The following SSBP3 variants were observed in gnomAD, a reference collection of about 807,000 sequenced individuals.
The protein encoded by SSBP3 is single stranded DNA binding protein 3, also known as single-stranded DNA-binding protein 3.
Under a neutral mutation model 69.6 loss-of-function variants are expected in SSBP3, and 5 were observed. That is an observed-to-expected ratio of 0.07 (90% confidence interval 0.04 to 0.15). The LOEUF is 0.15. SSBP3 is among the 10% of genes least tolerant of loss of function. The pLI is 1.00. For missense variants in SSBP3, 312 were observed against 534.0 expected, an observed-to-expected ratio of 0.58 and a Z score of 4.10; for synonymous variants, 196 against 193.4, an observed-to-expected ratio of 1.01 and a Z score of -0.11.
rs564863983 is a variant in SSBP3, at chr1:54,266,029, A to C, written c.367-7880T>G. Among the ~76,000 whole-genome samples, 9 of 152,384 alleles carry C rather than the reference A, an allele frequency of 5.9e-5. No individual in the cohort carries two copies. The South Asian group carries it at 1.9e-3, about 32-fold the overall frequency. Reference sequence around the variant, plus strand: ...ATCAGCAAGTGATGGTTTCCCAAACAAAGGGAGGAAACATGGCAAACGAAA... The same window carrying C: ...ATCAGCAAGTGATGGTTTCCCAAACCAAGGGAGGAAACATGGCAAACGAAA... On this transcript the variant is annotated intron_variant, in intron 5 of 17. Transcript: ENST00000610401.
At chr1:54,388,944 C>A (rs1386639628) in intron 4 of SSBP3, among the ~76,000 whole-genome samples, 1 of 152,232 alleles carries the variant, frequency 6.6e-6, no homozygotes, top group Non-Finnish European at 1.5e-5. Flanking sequence ...AGTGAGAAGG[C>A]ACCACTGCTA....
At chr1:54,359,516 G>T (rs541818061) in intron 4 of SSBP3, among the ~76,000 whole-genome samples, 87 of 152,210 alleles carry the variant, frequency 5.7e-4, no homozygotes, top group African/African-American at 1.9e-3. Context: ...TCCTACAGAG[G>T]ACATGGAAAG....
At chr1:54,271,013 C>T (rs920491276) in intron 5 of SSBP3, among the ~76,000 whole-genome samples, 4 of 152,216 alleles carry the variant, frequency 2.6e-5, no homozygotes, top group African/African-American at 7.2e-5. Context: ...CTGACTGGCA[C>T]GCTGGGAGCT....
At chr1:54,232,074 G>C (rs1644389063) in intron 14 of SSBP3, among the ~76,000 whole-genome samples, 1 of 152,156 alleles carries the variant, frequency 6.6e-6, no homozygotes, top group Non-Finnish European at 1.5e-5. Flanking sequence ...ATATTCAGTT[G>C]TCTCAGCATC....
rs574188323 is a variant in SSBP3 at position 54,311,105 on chromosome 1, G to A, written c.277-29578C>T. ...CTTCTTTAGCCTGCTGACCAGAGCC[G>A]ATTCTTTGATGGGAAAACAAGGTGG... is the stretch of plus-strand genomic sequence containing the variant. On this transcript the variant is annotated intron_variant, in intron 4 of 17. Coordinates refer to ENST00000610401, the Ensembl canonical transcript of SSBP3. Among the ~76,000 whole-genome samples, 213 of 152,268 alleles carry A rather than the reference G, an allele frequency of 1.4e-3. 1 individual carries two copies. Among genetic ancestry groups the A allele is most frequent in the African/African-American group, 4.6e-3 (193 of 41,544 alleles).
intron 10 of SSBP3, chr1:54,242,769 G>T (rs1644662315): frequency 1.2e-5 from 2 of 164,656 alleles, no homozygotes; most frequent in Non-Finnish European, 2.6e-5. Flanking sequence ...GGCCAACATG[G>T]TGAAACCCCG....
chr1:54,396,214 A>AAAAAAAAAAAAAAAAAAAAAG (rs1648869983), intron 4 of SSBP3, among the ~76,000 whole-genome samples: 1 of 148,904 alleles, frequency 6.7e-6, no homozygotes, highest in South Asian at 2.3e-4. Context: ...AAAAAAAAAA[A>AAAAAAAAAAAAAAAAAAAAAG]AAAAACAACC....
At chr1:54,358,537 C>A (rs1646903384) in intron 4 of SSBP3, among the ~76,000 whole-genome samples, 1 of 152,222 alleles carries the variant, frequency 6.6e-6, no homozygotes, top group Non-Finnish European at 1.5e-5. Flanking sequence ...TCCAGGGCTT[C>A]CAGCTGCTTG....
At chr1:54,279,244 C>G (rs760407331) in intron 5 of SSBP3, among the ~76,000 whole-genome samples, 4 of 152,128 alleles carry the variant, frequency 2.6e-5, no homozygotes, top group Non-Finnish European at 5.9e-5. Context: ...TCAAGAAGGT[C>G]CAAAAGTTAC....
chr1:54,242,995 T>A, intron 10 of SSBP3: 1 of 512,840 alleles, frequency 1.9e-6, no homozygotes, highest in Non-Finnish European at 3.5e-6. Context: ...CATAGGGTAA[T>A]CATGAAGATG....
intron 4 of SSBP3, among the ~76,000 whole-genome samples, chr1:54,360,950 G>T (rs1056149804): frequency 1.3e-5 from 2 of 151,824 alleles, no homozygotes; most frequent in Non-Finnish European, 2.9e-5. Flanking sequence ...GCCAGATGTG[G>T]CAAGGGGTAC....
chr1:54,333,697 A>G (rs1646459721), intron 4 of SSBP3, among the ~76,000 whole-genome samples: 1 of 152,182 alleles, frequency 6.6e-6, no homozygotes. Flanking sequence ...TCTCATCTGT[A>G]AAACAGAGAT....
chr1:54,247,726 C>T (rs754575279), intron 9 of SSBP3, among the ~76,000 whole-genome samples: 1 of 152,162 alleles, frequency 6.6e-6, no homozygotes, highest in Non-Finnish European at 1.5e-5. Flanking sequence ...AGAATTGGCA[C>T]CCCGGGGTCT....
At chr1:54,382,754 G>A (rs1274802245) in intron 4 of SSBP3, among the ~76,000 whole-genome samples, 3 of 151,986 alleles carry the variant, frequency 2.0e-5, no homozygotes, top group Non-Finnish European at 4.4e-5. Context: ...AGGAGACTGA[G>A]GCAGGTGGAT....
At chr1:54,409,447 G>A (rs368488271), upstream of SSBP3, among the ~76,000 whole-genome samples, 23 of 151,922 alleles carry the variant, frequency 1.5e-4, no homozygotes, top group East Asian at 2.1e-3. Flanking sequence ...AGCACACAGC[G>A]CAGGCTCAAT....
chr1:54,338,755 C>T (rs1646554100), intron 4 of SSBP3, among the ~76,000 whole-genome samples: 1 of 152,144 alleles, frequency 6.6e-6, no homozygotes, highest in Admixed American at 6.6e-5. Context: ...TCTCTTTGCC[C>T]CCACCCTTCT....
chr1:54,322,617 G>C (rs1290939147), intron 4 of SSBP3, among the ~76,000 whole-genome samples: 1 of 151,268 alleles, frequency 6.6e-6, no homozygotes, highest in Non-Finnish European at 1.5e-5. Context: ...ATGCTAAAGA[G>C]ATGTAGGAAG....
chr1:54,344,370 TAATA>T (rs1399217187), intron 4 of SSBP3, among the ~76,000 whole-genome samples: 6 of 152,218 alleles, frequency 3.9e-5, no homozygotes, highest in Non-Finnish European at 8.8e-5. Flanking sequence ...AGTCTTGGCA[TAATA>T]AATACTTGTG....
intron 4 of SSBP3, among the ~76,000 whole-genome samples, chr1:54,320,615 G>A (rs138276246): frequency 6.6e-6 from 1 of 152,156 alleles, no homozygotes; most frequent in African/African-American, 2.4e-5. Context: ...GCCACTGCTC[G>A]CCCACCAGAA....
Sources: gnomAD v4.1 joint callset for allele counts (sites outside exome capture counted in the v4.1 genomes callset) on GRCh38, gnomAD v4.1.1 for gene constraint, MANE v1.5 for transcripts, NCBI Gene and HGNC (gene_info 2026-07-23, HGNC 2026-07-21) for gene names.